Variants in CFAP74 observed in about 807,000 individuals in gnomAD.
CFAP74 encodes cilia and flagella associated protein 74.
Under a neutral mutation model 188.9 loss-of-function variants are expected in CFAP74, and 124 were observed. The observed-to-expected ratio is 0.66, with a 90% CI of 0.57 to 0.76. The LOEUF (loss-of-function observed/expected upper bound fraction) is 0.76. CFAP74 is among the 30% of genes least tolerant of loss of function. CFAP74 has a pLI of 0.00. For missense variants in CFAP74, 2,198 were observed against 2,165.2 expected (o/e 1.02, Z -0.30); for synonymous variants, 956 against 916.7 (o/e 1.04, Z -0.77).
At chr1:1,956,871 G>A (rs1191100666) in intron 16 of CFAP74, 87 bp from the exon 17 acceptor site, 2 of 1,413,042 alleles carry the variant, frequency 1.4e-6, no homozygotes, top group East Asian at 4.9e-5. Context: ...CTCCAGGCAG[G>A]GCTGCCCTGA....
At position 1,939,119 on chromosome 1, in the gene CFAP74, G is replaced by A. The variant is rs113835345; in HGVS notation, c.2878-131C>T. On this transcript the variant is annotated intron_variant, in intron 24 of 38. Coordinates refer to ENST00000682832, the MANE Select transcript of CFAP74 (RefSeq NM_001304360.2). ...GAGCGAATGTGAGGGTGAGAGTGTC[G>A]CTGTCAACGAGTGTGTGTCAGCAAG... The A allele has an allele frequency of 6.2e-4, 603 of 970,608 alleles. 2 individuals carry two copies. The African/African-American group carries it at 7.0e-3, about 11-fold the overall frequency. The allele number at this position is 970,608 out of a possible 1,614,324, so 60.1% of individuals were successfully genotyped here.
At chr1:1,991,862 AC>A (rs1218525549) in intron 1 of CFAP74, among the ~76,000 whole-genome samples, 1 of 151,594 alleles carries the variant, frequency 6.6e-6, no homozygotes, top group Admixed American at 6.6e-5. Flanking sequence ...GCACAGTGAA[AC>A]CCCATCTCTA....
At chr1:1,971,546 C>T (rs1363446386) in intron 9 of CFAP74, among the ~76,000 whole-genome samples, 1 of 152,274 alleles carries the variant, frequency 6.6e-6, no homozygotes, top group Non-Finnish European at 1.5e-5. Flanking sequence ...ACATCCCAAG[C>T]GTGGGGCTGG....
At chr1:1,959,256 G>T in intron 15 of CFAP74, 47 bp from the exon 16 acceptor site, 3 of 1,335,656 alleles carry the variant, frequency 2.2e-6, no homozygotes, top group Non-Finnish European at 2.1e-6. Context: ...TGCAACTTTT[G>T]TGTGTTTTGT....
At chr1:1,966,322 A>AC in intron 12 of CFAP74, 49 bp downstream of exon 12, 1 of 1,426,532 alleles carries the variant, frequency 7.0e-7, no homozygotes, top group South Asian at 1.6e-5. Context: ...AGCCGGCGAC[A>AC]GAGGGCCGGG....
At chr1:2,003,302 G>A (rs1254921671) in intron 1 of CFAP74, among the ~76,000 whole-genome samples, 2 of 152,108 alleles carry the variant, frequency 1.3e-5, no homozygotes, top group Non-Finnish European at 2.9e-5. Flanking sequence ...AAATACTAGA[G>A]GCAAATCAGC....
At chr1:1,994,225 G>T (rs1386382488) in intron 1 of CFAP74, among the ~76,000 whole-genome samples, 1 of 146,210 alleles carries the variant, frequency 6.8e-6, no homozygotes, top group African/African-American at 2.5e-5. Flanking sequence ...TATAGAGACA[G>T]ACATTTAACA....
intron 25 of CFAP74, among the ~76,000 whole-genome samples, chr1:1,935,928 C>G (rs1165248215): frequency 6.6e-6 from 1 of 151,928 alleles, no homozygotes; most frequent in African/African-American, 2.4e-5. Flanking sequence ...TAGAAAAGCT[C>G]TCTGAGAGGT....
intron 18 of CFAP74, among the ~76,000 whole-genome samples, chr1:1,949,920 C>A (rs370434463): frequency 4.6e-5 from 7 of 152,190 alleles, no homozygotes; most frequent in South Asian, 4.1e-4. Flanking sequence ...CCACTCCCCA[C>A]GCGTGGGACA....
At chr1:1,938,356 A>G (rs1228042755) in intron 25 of CFAP74, among the ~76,000 whole-genome samples, 1 of 151,096 alleles carries the variant, frequency 6.6e-6, no homozygotes, top group African/African-American at 2.4e-5. Flanking sequence ...GCTCACTCAC[A>G]TGCAAGCTCA....
chr1:1,953,845 TA>T (rs1654355676), intron 18 of CFAP74: 1 of 152,594 alleles, frequency 6.6e-6, no homozygotes, highest in Non-Finnish European at 1.5e-5. Flanking sequence ...AAATGACTGG[TA>T]AATATGCAAA....
rs1347304944 is a variant in CFAP74, at chr1:1,927,724, TG to T, written c.3409del (p.Gln1137ArgfsTer37). ...TGACAGTCCATGCAGGTCCTTCCTC[TG>T]GGGGGCCATATTCTTTCGGAACTGT... is the stretch of plus-strand genomic sequence containing the variant. ...TKSFRKNMAP[Q>X]RKDLHGLSFS... On this transcript the variant is annotated frameshift_variant, in exon 28 of 39. Coordinates refer to ENST00000682832, the MANE Select transcript of CFAP74 (RefSeq NM_001304360.2). LOFTEE classifies it high-confidence loss of function. The T allele has an allele frequency of 1.9e-6, 3 of 1,549,990 alleles. No individual in the cohort carries two copies. The highest frequency in any genetic ancestry group is 2.0e-5 in the Admixed American group (1 of 50,990).
intron 20 of CFAP74, among the ~76,000 whole-genome samples, chr1:1,945,783 C>T (rs1001912165): frequency 2.0e-5 from 3 of 151,164 alleles, no homozygotes; most frequent in African/African-American, 7.3e-5. Context: ...AGCTGTGGTC[C>T]TGCCACTGCA....
chr1:1,963,616 A>C (rs190998606), intron 14 of CFAP74, 133 bp downstream of exon 14: 24 of 591,424 alleles, frequency 4.1e-5, no homozygotes, highest in Non-Finnish European at 6.7e-5. Flanking sequence ...CCCTCTACAA[A>C]ATCTTCGTGA....
chr1:1,925,774 G>A lies in CFAP74; in HGVS notation c.4104+9C>T. On this transcript the variant is annotated intron_variant, in intron 33 of 38. Transcript: ENST00000682832. ...CTGGAGCCAGCACCAGGGCCCACGT[G>A]TGCTTCACCTTGAAGCCTGAGGACA... 6.2e-7 allele frequency: 1 copy of A among 1,607,968 alleles called. No individual in the cohort carries two copies. The highest frequency in any genetic ancestry group is 8.5e-7 in the Non-Finnish European group (1 of 1,176,450).
At chr1:1,976,056 C>T (rs1656418957) in intron 6 of CFAP74, among the ~76,000 whole-genome samples, 1 of 152,248 alleles carries the variant, frequency 6.6e-6, no homozygotes, top group Non-Finnish European at 1.5e-5. Context: ...TCCTCAAAGG[C>T]AGTGCCTGTC....
At chr1:1,938,018 ACATT>A (rs555294812) in intron 25 of CFAP74, among the ~76,000 whole-genome samples, 93 of 151,482 alleles carry the variant, frequency 6.1e-4, no homozygotes, top group Middle Eastern at 3.4e-3. Flanking sequence ...ACAAGCACTC[ACATT>A]CAGTCACATG....
At chr1:1,954,663 AGTTCCAGCTAC>A in intron 18 of CFAP74, 1 of 270,594 alleles carries the variant, frequency 3.7e-6, no homozygotes. Context: ...GCGTGCCTGT[AGTTCCAGCTAC>A]TCAGGAGCTG....
intron 2 of CFAP74, among the ~76,000 whole-genome samples, chr1:1,990,283 C>T (rs1033608641): frequency 5.3e-5 from 8 of 151,220 alleles, no homozygotes; most frequent in African/African-American, 1.2e-4. Flanking sequence ...CGGCAAAACA[C>T]GGCAAAGGGA....
Sources: allele counts gnomAD v4.1 joint callset (sites outside exome capture counted in the v4.1 genomes callset), GRCh38; gene constraint gnomAD v4.1.1; transcripts MANE v1.5; gene names NCBI Gene and HGNC (gene_info 2026-07-23, HGNC 2026-07-21).